Variants in PEX7 observed in about 807,000 individuals in gnomAD.
PEX7 encodes PTS2 receptor.
A neutral mutation model predicts 47.5 loss-of-function variants in PEX7; 34 were observed. The ratio of observed to expected loss-of-function variants is 0.72; its 90% confidence interval spans 0.54 to 0.95. The LOEUF (loss-of-function observed/expected upper bound fraction) is 0.95, where lower values mean the gene tolerates loss of function less well. Among genes scored for constraint, PEX7 ranks in the 40% least tolerant of loss-of-function variants. The probability of loss-of-function intolerance (pLI) is 0.00; values close to 1 mark genes in which losing one functional copy is unlikely to be tolerated. For synonymous variants in PEX7, 141 were observed against 148.8 expected (o/e 0.95, Z 0.38); for missense variants, 394 against 400.3 (o/e 0.98, Z 0.13).
chr6:136,841,396 G>T (rs188574542), intron 3 of PEX7, among the ~76,000 whole-genome samples: 5 of 152,070 alleles, frequency 3.3e-5, no homozygotes, highest in Non-Finnish European at 7.4e-5. Flanking sequence ...CACTACCCCC[G>T]ATCCCTAGGG....
intron 3 of PEX7, among the ~76,000 whole-genome samples, chr6:136,843,651 A>G (rs1774543266): frequency 6.6e-6 from 1 of 152,230 alleles, no homozygotes; most frequent in South Asian, 2.1e-4. Flanking sequence ...AGAGGATAAA[A>G]TCAAACTCTT....
chr6:136,894,065 C>T (rs1775601795), intron 8 of PEX7, among the ~76,000 whole-genome samples: 1 of 152,122 alleles, frequency 6.6e-6, no homozygotes, highest in Non-Finnish European at 1.5e-5. Context: ...CATAGTGGTA[C>T]CCACCTGTAG....
intron 5 of PEX7, among the ~76,000 whole-genome samples, chr6:136,860,149 G>C (rs1254714388): frequency 6.6e-6 from 1 of 152,136 alleles, no homozygotes; most frequent in Non-Finnish European, 1.5e-5. Context: ...TCAATGAAAG[G>C]CCAGTTGTCT....
chr6:136,894,569 G>A (rs570824097), intron 8 of PEX7, among the ~76,000 whole-genome samples: 19 of 152,204 alleles, frequency 1.2e-4, no homozygotes, highest in African/African-American at 3.6e-4. Flanking sequence ...CAGCCTGGGC[G>A]ACAGAGTGAG....
chr6:136,909,324 A>G (rs1775896665), intron 9 of PEX7, among the ~76,000 whole-genome samples: 1 of 152,196 alleles, frequency 6.6e-6, no homozygotes, highest in African/African-American at 2.4e-5. Flanking sequence ...ACAAACAAAC[A>G]AAATATATAT....
chr6:136,833,720 A>T (rs1303190326), intron 3 of PEX7, among the ~76,000 whole-genome samples: 2 of 152,232 alleles, frequency 1.3e-5, no homozygotes, highest in African/African-American at 4.8e-5. Context: ...GTTAGATGTC[A>T]CTTGAATCAA....
intron 9 of PEX7, among the ~76,000 whole-genome samples, chr6:136,908,457 A>ATACCCCTTGCAATTATG (rs1775879710): frequency 1.3e-5 from 2 of 152,168 alleles, no homozygotes; most frequent in Non-Finnish European, 2.9e-5. Flanking sequence ...CTGTAATGTC[A>ATACCCCTTGCAATTATG]GTAATTTTAA....
At chr6:136,862,217 C>G (rs1774980024) in intron 5 of PEX7, among the ~76,000 whole-genome samples, 1 of 151,090 alleles carries the variant, frequency 6.6e-6, no homozygotes, top group African/African-American at 2.4e-5. Context: ...CAGGCGTGTG[C>G]CACCATGCCT....
intron 8 of PEX7, among the ~76,000 whole-genome samples, chr6:136,878,784 G>A (rs1037477331): frequency 2.0e-5 from 3 of 151,962 alleles, no homozygotes; most frequent in African/African-American, 7.2e-5. Flanking sequence ...GTTTAGCATC[G>A]AATGTGTCAT....
chr6:136,858,118 T>G lies in PEX7; in HGVS notation c.527-8509T>G, dbSNP rs73777758. 3.5e-3 allele frequency among the ~76,000 whole-genome samples: 536 copies of G among 152,254 alleles called. 7 individuals carry two copies. The highest frequency in any genetic ancestry group is 0.012 in the African/African-American group (478 of 41,546). ...AGGCATGAGCCACTGCACCCGACCTTAAGTATTACCTGTTATTATTAACAC... is the reference window on the plus strand; with the variant it reads ...AGGCATGAGCCACTGCACCCGACCTGAAGTATTACCTGTTATTATTAACAC... On this transcript the variant is annotated intron_variant, in intron 5 of 9. Transcript: ENST00000318471.
At chr6:136,896,290 T>A (rs1775649298) in intron 8 of PEX7, among the ~76,000 whole-genome samples, 1 of 152,204 alleles carries the variant, frequency 6.6e-6, no homozygotes, top group Non-Finnish European at 1.5e-5. Flanking sequence ...AAATAAAATC[T>A]AAATTTCAAA....
At chr6:136,844,985 TTTG>T (rs1412776068) in intron 3 of PEX7, among the ~76,000 whole-genome samples, 1 of 152,240 alleles carries the variant, frequency 6.6e-6, no homozygotes, top group Non-Finnish European at 1.5e-5. Flanking sequence ...ATGCACATAT[TTTG>T]TTGAACTTAG....
At chr6:136,902,825 C>A (rs1275097499) in intron 9 of PEX7, among the ~76,000 whole-genome samples, 2 of 152,106 alleles carry the variant, frequency 1.3e-5, no homozygotes, top group Admixed American at 1.3e-4. Context: ...AAGCTGGATA[C>A]AAGTTTACAT....
chr6:136,823,019 T>G (rs1264557367), intron 1 of PEX7: 1 of 985,312 alleles, frequency 1.0e-6, no homozygotes, highest in Non-Finnish European at 1.2e-6. Flanking sequence ...TGCAAGTGCA[T>G]ATACGTGTAG....
chr6:136,839,810 T>C (rs1212025614), intron 3 of PEX7, among the ~76,000 whole-genome samples: 1 of 152,248 alleles, frequency 6.6e-6, no homozygotes, highest in East Asian at 1.9e-4. Flanking sequence ...TGTACCAGGC[T>C]AGCTGGGAAG....
intron 3 of PEX7, among the ~76,000 whole-genome samples, chr6:136,831,369 C>T (rs2327761): frequency 0.59 from 89,612 of 152,010 alleles, 26,423 homozygotes; most frequent in Admixed American, 0.63. Flanking sequence ...CCCCATGATC[C>T]GATCACTTCC....
Position 136,913,487 on chromosome 6 carries a change from A to G in PEX7, c.933A>G (p.Ile311Met). The part of the protein sequence containing the change: ...QVADCSWDET[I>M]KIYDPACLTI... ...CTGACTGTTCTTGGGATGAAACAATAAAGATCTATGACCCTGCTTGTCTTA... is the reference window on the plus strand; with the variant it reads ...CTGACTGTTCTTGGGATGAAACAATGAAGATCTATGACCCTGCTTGTCTTA... Residue 311 changes from isoleucine (I) to methionine (M), a missense_variant, in exon 10 of 10, where the codon ATA becomes ATG. Transcript: ENST00000318471. 6.2e-7 allele frequency: 1 copy of G among 1,612,640 alleles called. No homozygotes were observed. Among genetic ancestry groups the G allele is most frequent in the Non-Finnish European group, 8.5e-7 (1 of 1,179,000 alleles).
intron 9 of PEX7, among the ~76,000 whole-genome samples, chr6:136,905,658 C>T (rs187679739): frequency 1.9e-3 from 292 of 152,276 alleles, no homozygotes; most frequent in Middle Eastern, 6.8e-3. Flanking sequence ...ATATCTTCAT[C>T]ACCATCCCTC....
intron 5 of PEX7, among the ~76,000 whole-genome samples, chr6:136,862,280 G>T (rs1358703218): frequency 6.7e-6 from 1 of 148,538 alleles, no homozygotes; most frequent in African/African-American, 2.5e-5. Flanking sequence ...GTTTTGCCAT[G>T]TTGGCCAGGC....
Sources: allele counts gnomAD v4.1 joint callset (sites outside exome capture counted in the v4.1 genomes callset), GRCh38; gene constraint gnomAD v4.1.1; transcripts MANE v1.5; gene names NCBI Gene and HGNC (gene_info 2026-07-23, HGNC 2026-07-21).